The following MYH9 variants were observed in gnomAD, a reference collection of about 807,000 sequenced individuals.
MYH9 encodes myosin-9.
A neutral mutation model predicts 241.9 loss-of-function variants in MYH9; 29 were observed. That is an observed-to-expected ratio of 0.12 (90% CI 0.09 to 0.16). The LOEUF (loss-of-function observed/expected upper bound fraction) is 0.16. Among genes scored for constraint, MYH9 ranks in the 10% least tolerant of loss-of-function variants. The pLI, the probability that MYH9 is intolerant of heterozygous loss-of-function variation, is 1.00. For missense variants in MYH9, 1,803 were observed against 2,595.5 expected (o/e 0.69, Z 6.63); for synonymous variants, 1,047 against 1,062.6 (o/e 0.99, Z 0.29).
intron 1 of MYH9, among the ~76,000 whole-genome samples, chr22:36,362,362 C>T (rs1163490852): frequency 6.6e-6 from 1 of 152,252 alleles, no homozygotes; most frequent in East Asian, 1.9e-4. Context: ...AGCTCCAGGG[C>T]CAGTGTTTCC....
At chr22:36,301,140 G>T in intron 21 of MYH9, 83 bp from the exon 22 acceptor site, 2 of 1,338,174 alleles carry the variant, frequency 1.5e-6, no homozygotes, top group South Asian at 1.2e-5. Flanking sequence ...CATGGCTCGG[G>T]ATCCCAGAGG....
At chr22:36,304,522 G>A (rs2016938547) in intron 18 of MYH9, among the ~76,000 whole-genome samples, 1 of 152,366 alleles carries the variant, frequency 6.6e-6, no homozygotes, top group African/African-American at 2.4e-5. Flanking sequence ...GAAAAAAGGA[G>A]CAGGGTGGGA....
chr22:36,293,652 G>A lies in MYH9; in HGVS notation c.3942+107C>T. ...AGAGACCCACCCACAGGATGAAGCA[G>A]ATGAAGGAGAGGATGGGCAATCCGA... On this transcript the variant is annotated intron_variant, in intron 29 of 40. Coordinates refer to ENST00000216181, the MANE Select transcript of MYH9 (RefSeq NM_002473.6). This position sits in a 1 kb window ranked among gnomAD's most constrained non-coding sequence, Gnocchi z 5.1. The A allele has an allele frequency of 7.5e-7, 1 of 1,329,438 alleles. No individual in the cohort carries two copies. The highest frequency in any genetic ancestry group is 1.1e-6 in the Non-Finnish European group (1 of 939,670). 82.4% of individuals were successfully genotyped at this position (1,329,438 alleles called of 1,614,324 possible).
At chr22:36,284,010 T>C (rs2016535993) in intron 40 of MYH9, 83 bp downstream of exon 40, 3 of 1,553,720 alleles carry the variant, frequency 1.9e-6, no homozygotes, top group African/African-American at 1.4e-5. Flanking sequence ...CATTCGTGCC[T>C]TGCTTGTGGG....
chr22:36,386,858 G>A (rs1230105896), intron 1 of MYH9, among the ~76,000 whole-genome samples: 2 of 152,266 alleles, frequency 1.3e-5, no homozygotes, highest in African/African-American at 2.4e-5. Context: ...CCAGCACAGG[G>A]AAGCGGGTGC....
At chr22:36,287,681 G>A (rs1448271173) in intron 34 of MYH9, among the ~76,000 whole-genome samples, 2 of 152,234 alleles carry the variant, frequency 1.3e-5, no homozygotes, top group African/African-American at 2.4e-5. Flanking sequence ...GGCGGAGCTT[G>A]CAGCAAGCCG....
At position 36,293,605 on chromosome 22, in the gene MYH9, C is replaced by A; in HGVS notation, c.3943-124G>T. 2 of 1,434,412 alleles carry A rather than the reference C, an allele frequency of 1.4e-6. No homozygotes were observed. Among genetic ancestry groups the A allele is most frequent in the Non-Finnish European group, 1.9e-6 (2 of 1,031,486 alleles). The allele number at this position is 1,434,412 out of a possible 1,614,324, so 88.9% of individuals were successfully genotyped here. ...ATTTAGGGGATGGCCACGTAAAGAC[C>A]TGGAGGGAGCTGGGAGGACGCAGAG... On this transcript the variant is annotated intron_variant, in intron 29 of 40. Transcript: ENST00000216181. This position sits in a 1 kb window ranked among gnomAD's most constrained non-coding sequence, Gnocchi z 5.1.
At chr22:36,358,178 C>T (rs1162426843) in intron 1 of MYH9, among the ~76,000 whole-genome samples, 1 of 152,204 alleles carries the variant, frequency 6.6e-6, no homozygotes, top group Non-Finnish European at 1.5e-5. Flanking sequence ...AATTCTCCTG[C>T]CTCAGCCTCC....
chr22:36,358,189 C>T (rs534455243), intron 1 of MYH9, among the ~76,000 whole-genome samples: 1 of 152,130 alleles, frequency 6.6e-6, no homozygotes, highest in Non-Finnish European at 1.5e-5. Context: ...CTCAGCCTCC[C>T]GAGTAGCTGG....
chr22:36,302,650 A>C lies in MYH9; in HGVS notation c.2417T>G (p.Leu806Arg), dbSNP rs1487827633. The change falls in exon 20 of 41, where the codon CTT (leucine) becomes CGT (arginine). Residue 806 changes from leucine (L) to arginine (R), a missense_variant. Around this residue, in one of 11 missense-constraint regions of MYH9, gnomAD observed 72 missense variants for 83.3 expected, o/e 0.86. Transcript: ENST00000216181. ...RKAFAKRQQQLTAMKVLQRNC... is the reference protein window; with the variant it reads ...RKAFAKRQQQRTAMKVLQRNC... ...CCGCTGGAGGACCTTCATGGCGGTA[A>C]GCTGCTGCTGCCGCTTGGCAAATGC... The C allele has an allele frequency of 1.2e-6, 2 of 1,613,312 alleles. No individual in the cohort carries two copies. Among genetic ancestry groups the C allele is most frequent in the Non-Finnish European group, 1.7e-6 (2 of 1,179,892 alleles).
intron 35 of MYH9, among the ~76,000 whole-genome samples, chr22:36,286,294 G>A (rs2016579153): frequency 6.6e-6 from 1 of 152,168 alleles, no homozygotes. Context: ...CTTGGAGTCA[G>A]CTCTGGAGGC....
At chr22:36,322,617 G>C in intron 5 of MYH9, 96 bp from the exon 6 acceptor site, 1 of 1,236,072 alleles carries the variant, frequency 8.1e-7, no homozygotes, top group Non-Finnish European at 1.2e-6. Context: ...AGCCGTGTCA[G>C]CATGTCCAAC....
At chr22:36,283,974 T>G in intron 40 of MYH9, 119 bp downstream of exon 40, 1 of 1,229,556 alleles carries the variant, frequency 8.1e-7, no homozygotes, top group Non-Finnish European at 1.2e-6. Flanking sequence ...GGGCAGGGAT[T>G]GCTTTGTGCA....
At chr22:36,371,967 G>A (rs116902307) in intron 1 of MYH9, among the ~76,000 whole-genome samples, 4,271 of 151,980 alleles carry the variant, frequency 0.028, 77 homozygotes, top group Middle Eastern at 0.082. Flanking sequence ...AAACTGCAGG[G>A]ACTTCAGTTG....
chr22:36,284,334 T>G, intron 39 of MYH9, 69 bp from the exon 40 acceptor site: 3 of 1,604,696 alleles, frequency 1.9e-6, no homozygotes, highest in Non-Finnish European at 2.5e-6. Flanking sequence ...TCAGCCCCAC[T>G]GCCCTGCCTG....
intron 2 of MYH9, among the ~76,000 whole-genome samples, chr22:36,348,451 G>A (rs1457445587): frequency 1.3e-5 from 2 of 149,670 alleles, no homozygotes; most frequent in African/African-American, 4.9e-5. Context: ...AGAGGTTACA[G>A]TGAGCCAAGA....
At chr22:36,372,415 G>A (rs2018102554) in intron 1 of MYH9, among the ~76,000 whole-genome samples, 1 of 151,556 alleles carries the variant, frequency 6.6e-6, no homozygotes. Flanking sequence ...CTTGAGCCCA[G>A]GAGGTTGAGG....
Position 36,312,163 on chromosome 22 carries a change from G to A in MYH9, c.1614C>T (p.Thr538=), listed in dbSNP as rs756460248. The A allele has an allele frequency of 2.3e-5, 37 of 1,614,050 alleles. 1 individual carries two copies. The highest frequency in any genetic ancestry group is 1.6e-4 in the South Asian group (15 of 91,094). The stretch of plus-strand genomic sequence containing the variant: ...TCACCTTCTCCACGAAGCTCTTGTC[G>A]GTGGCTTTGGGGAACCAGCACTCCT... ...LDEECWFPKA[T]DKSFVEKVMQ... The change falls in exon 14 of 41, where the codon ACC becomes ACT. Residue 538 remains threonine (T), a synonymous_variant. Transcript: ENST00000216181.
intron 1 of MYH9, among the ~76,000 whole-genome samples, chr22:36,379,935 T>C (rs1459922039): frequency 6.6e-6 from 1 of 152,178 alleles, no homozygotes; most frequent in East Asian, 1.9e-4. Context: ...AACAGAAGCC[T>C]AGGTTACTTT....
Sources: allele counts gnomAD v4.1 joint callset (sites outside exome capture counted in the v4.1 genomes callset), GRCh38; gene constraint gnomAD v4.1.1; regional missense constraint gnomAD v4.1.1; non-coding constraint Gnocchi (gnomAD v3.1); transcripts MANE v1.5; gene names NCBI Gene and HGNC (gene_info 2026-07-23, HGNC 2026-07-21).